SLC9A9: variants seen among roughly 807,000 people sequenced by gnomAD.
The protein encoded by SLC9A9 is sodium/hydrogen exchanger 9.
Under a neutral mutation model 77.8 loss-of-function variants are expected in SLC9A9, and 62 were observed. That is an observed-to-expected ratio of 0.80 (90% CI 0.65 to 0.98). SLC9A9 has a LOEUF of 0.98. SLC9A9 is among the 50% of genes least tolerant of loss of function. SLC9A9 has a pLI of 0.00. For missense variants in SLC9A9, 775 were observed against 774.9 expected, an observed-to-expected ratio of 1.00 and a Z score of 0.00; for synonymous variants, 320 against 283.5, an observed-to-expected ratio of 1.13 and a Z score of -1.29.
chr3:143,653,587 T>C (rs1436617093), intron 5 of SLC9A9, among the ~76,000 whole-genome samples: 6 of 152,124 alleles, frequency 3.9e-5, no homozygotes, highest in African/African-American at 1.4e-4. Flanking sequence ...ATAAGTAGGA[T>C]TAAGAAGTTT....
At chr3:143,715,843 T>A (rs1934330245) in intron 4 of SLC9A9, among the ~76,000 whole-genome samples, 1 of 152,180 alleles carries the variant, frequency 6.6e-6, no homozygotes, top group Non-Finnish European at 1.5e-5. Flanking sequence ...TGGGGAGGTA[T>A]GATAGCAAAA....
At chr3:143,567,891 A>T (rs550167610) in intron 8 of SLC9A9, among the ~76,000 whole-genome samples, 2 of 152,186 alleles carry the variant, frequency 1.3e-5, no homozygotes, top group Non-Finnish European at 2.9e-5. Context: ...TGCACCTGGC[A>T]TAAGATGGTC....
At chr3:143,594,171 C>T (rs894052921) in intron 6 of SLC9A9, among the ~76,000 whole-genome samples, 3 of 152,054 alleles carry the variant, frequency 2.0e-5, no homozygotes, top group South Asian at 2.1e-4. Context: ...TAATACAGTA[C>T]GCTAGCAAGA....
intron 6 of SLC9A9, among the ~76,000 whole-genome samples, chr3:143,621,850 A>G (rs574456036): frequency 6.6e-6 from 1 of 152,240 alleles, no homozygotes; most frequent in African/African-American, 2.4e-5. Flanking sequence ...CCATGGCAAA[A>G]AAGTTAAAAA....
At chr3:143,413,844 T>C (rs529645094) in intron 12 of SLC9A9, among the ~76,000 whole-genome samples, 1 of 152,194 alleles carries the variant, frequency 6.6e-6, no homozygotes, top group Non-Finnish European at 1.5e-5. Flanking sequence ...ATGTGTGTTA[T>C]GGTAAAGGTA....
At chr3:143,626,462 T>G (rs2038328555) in intron 6 of SLC9A9, among the ~76,000 whole-genome samples, 1 of 152,206 alleles carries the variant, frequency 6.6e-6, no homozygotes, top group South Asian at 2.1e-4. Context: ...TCATATCCTT[T>G]GTAGGGACAT....
At chr3:143,353,503 T>G (rs1441068619) in intron 14 of SLC9A9, among the ~76,000 whole-genome samples, 1 of 152,264 alleles carries the variant, frequency 6.6e-6, no homozygotes, top group Non-Finnish European at 1.5e-5. Flanking sequence ...GACATGGACA[T>G]TGCTGGGATC....
At chr3:143,667,869 T>G (rs750646130) in intron 5 of SLC9A9, among the ~76,000 whole-genome samples, 18 of 152,268 alleles carry the variant, frequency 1.2e-4, no homozygotes, top group Non-Finnish European at 1.8e-4. Flanking sequence ...ATAGGAACAC[T>G]CTTACACTGT....
intron 14 of SLC9A9, among the ~76,000 whole-genome samples, chr3:143,331,076 C>T (rs180982503): frequency 6.6e-6 from 1 of 152,174 alleles, no homozygotes; most frequent in East Asian, 1.9e-4. Flanking sequence ...ATTTTTTATT[C>T]AAGTGGGATG....
At chr3:143,598,897 ATTATC>A (rs1474352826) in intron 6 of SLC9A9, among the ~76,000 whole-genome samples, 6 of 152,220 alleles carry the variant, frequency 3.9e-5, no homozygotes, top group African/African-American at 1.4e-4. Context: ...GAACAATGGT[ATTATC>A]TTTCTCAGGG....
At chr3:143,282,332 A>C (rs140023902) in intron 14 of SLC9A9, among the ~76,000 whole-genome samples, 1,784 of 152,298 alleles carry the variant, frequency 0.012, 28 homozygotes, top group African/African-American at 0.041. Context: ...TAGACTATTG[A>C]GTTTCCAATA....
intron 8 of SLC9A9, among the ~76,000 whole-genome samples, chr3:143,555,668 C>T (rs1388675305): frequency 6.6e-6 from 1 of 152,166 alleles, no homozygotes; most frequent in African/African-American, 2.4e-5. Flanking sequence ...TTTCTGATAT[C>T]CCAGGAACTA....
At position 143,552,444 on chromosome 3, in the gene SLC9A9, A is replaced by T. The variant is rs1449269524; in HGVS notation, c.1007T>A (p.Val336Asp). Residue 336 changes from valine to aspartate, a missense_variant, in exon 9 of 16, where the codon GTT becomes GAT. Physicochemically the swap from Val to Asp is radical, Grantham distance 152. Transcript: ENST00000316549. ...SAEAAGLTGI[V>D]AVLFCGVTQA... ...TGTGACTCCACAGAAGAGAACAGCAACTATCCCTGAAATTAAAAAAACAGA... is the reference window on the plus strand; with the variant it reads ...TGTGACTCCACAGAAGAGAACAGCATCTATCCCTGAAATTAAAAAAACAGA... 6.2e-7 allele frequency: 1 copy of T among 1,612,878 alleles called. No individual in the cohort carries two copies. Among genetic ancestry groups the T allele is most frequent in the South Asian group, 1.1e-5 (1 of 91,044 alleles).
intron 5 of SLC9A9, among the ~76,000 whole-genome samples, chr3:143,662,071 T>A (rs534922653): frequency 5.0e-4 from 76 of 152,306 alleles, no homozygotes; most frequent in African/African-American, 1.8e-3. Flanking sequence ...TTAGTTACAA[T>A]TGAAAAATCT....
intron 4 of SLC9A9, among the ~76,000 whole-genome samples, chr3:143,726,251 G>GAAA (rs3055626): frequency 0.35 from 47,857 of 136,666 alleles, 9,077 homozygotes; most frequent in East Asian, 0.62. Context: ...AATAAAAAAA[G>GAAA]AAAAAAAAAA....
At chr3:143,657,473 C>T (rs926259734) in intron 5 of SLC9A9, among the ~76,000 whole-genome samples, 1 of 152,148 alleles carries the variant, frequency 6.6e-6, no homozygotes, top group African/African-American at 2.4e-5. Flanking sequence ...AAGTGTGGCC[C>T]AGGGACCCCT....
chr3:143,366,606 T>C (rs559912567), intron 13 of SLC9A9, among the ~76,000 whole-genome samples: 20 of 152,074 alleles, frequency 1.3e-4, no homozygotes, highest in Middle Eastern at 3.4e-3. Context: ...TTTTTATTAA[T>C]GACAACAGTA....
In SLC9A9 at chr3:143,382,091, T is replaced by C. The variant is rs979421975; in HGVS notation, c.1493A>G (p.Asn498Ser). ...TTGTGAGGAGGGGTCCTCCTTCAGA[T>C]TTTCATCCAGGTCCACGCCAACTCT... ...QIRVGVDLDENLKEDPSSQHQ... is the reference protein window; with the variant it reads ...QIRVGVDLDESLKEDPSSQHQ... Residue 498 changes from asparagine (N) to serine (S), a missense_variant, in exon 13 of 16, where the codon AAT (asparagine) becomes AGT (serine). By Grantham distance (46) the Asn-to-Ser change is conservative. Coordinates refer to ENST00000316549, the MANE Select transcript of SLC9A9 (RefSeq NM_173653.4). 3.1e-6 allele frequency: 5 copies of C among 1,613,974 alleles called. No individual in the cohort carries two copies. In the African/African-American group the frequency reaches 5.3e-5, roughly 17 times the overall value.
At chr3:143,736,753 G>A (rs1028724178) in intron 4 of SLC9A9, among the ~76,000 whole-genome samples, 13 of 152,182 alleles carry the variant, frequency 8.5e-5, no homozygotes, top group African/African-American at 4.8e-5. Flanking sequence ...ATATGAAGGC[G>A]AGGGTAGTTA....
Sources: gnomAD v4.1 joint callset for allele counts (sites outside exome capture counted in the v4.1 genomes callset) on GRCh38, gnomAD v4.1.1 for gene constraint, MANE v1.5 for transcripts, NCBI Gene and HGNC (gene_info 2026-07-23, HGNC 2026-07-21) for gene names.